AFF3: variants seen among roughly 807,000 people sequenced by gnomAD.
AFF3 encodes AF4/FMR2 family member 3.
Under a neutral mutation model 129.7 loss-of-function variants are expected in AFF3, and 32 were observed. The ratio of observed to expected loss-of-function variants is 0.25; its 90% CI spans 0.19 to 0.33. The LOEUF is 0.33. Among genes scored for constraint, AFF3 ranks in the 10% least tolerant of loss-of-function variants. AFF3 has a pLI of 1.00. For synonymous variants in AFF3, 644 were observed against 635.4 expected (o/e 1.01, Z -0.20); for missense variants, 1,373 against 1,592.0 (o/e 0.86, Z 2.34).
chr2:99,673,388 G>T (rs937347442), intron 11 of AFF3, among the ~76,000 whole-genome samples: 3 of 152,124 alleles, frequency 2.0e-5, no homozygotes, highest in African/African-American at 7.2e-5. Context: ...ATCCTGAGGA[G>T]ACAGCGGGGA....
At chr2:99,669,225 G>GAAAAGACCTGTACAAGGATA (rs1214140641) in intron 12 of AFF3, among the ~76,000 whole-genome samples, 1 of 152,154 alleles carries the variant, frequency 6.6e-6, no homozygotes. Flanking sequence ...GTACAAGGAT[G>GAAAAGACCTGTACAAGGATA]AAAAGACCTG....
chr2:99,586,008 C>T (rs1288242132), intron 16 of AFF3, among the ~76,000 whole-genome samples: 1 of 152,138 alleles, frequency 6.6e-6, no homozygotes, highest in Non-Finnish European at 1.5e-5. Context: ...GGATTACAGG[C>T]GTGAGCCACC....
intron 14 of AFF3, among the ~76,000 whole-genome samples, chr2:99,595,057 AG>A (rs933807981): frequency 4.6e-5 from 7 of 152,298 alleles, no homozygotes; most frequent in African/African-American, 1.7e-4. Context: ...TCTGTGGTTG[AG>A]GGTGGGGGGA....
At chr2:99,603,878 T>C (rs1276474397) in intron 13 of AFF3, among the ~76,000 whole-genome samples, 1 of 152,158 alleles carries the variant, frequency 6.6e-6, no homozygotes, top group Non-Finnish European at 1.5e-5. Context: ...AGAAAAAAGC[T>C]CAATATCACT....
intron 7 of AFF3, among the ~76,000 whole-genome samples, chr2:99,842,124 A>G (rs755670982): frequency 3.3e-5 from 5 of 152,096 alleles, no homozygotes; most frequent in Non-Finnish European, 7.4e-5. Context: ...GTGTCCTTAG[A>G]AGTAGGAGGA....
chr2:100,124,360 G>A (rs1692099802), intron 2 of AFF3, among the ~76,000 whole-genome samples: 1 of 152,222 alleles, frequency 6.6e-6, no homozygotes, highest in African/African-American at 2.4e-5. Context: ...CAGCTTTGAT[G>A]TGTCAGAGTA....
chr2:99,608,822 GTTTTAACAATGAAAAGTTTCATTGTA>G (rs1680630493), intron 13 of AFF3, among the ~76,000 whole-genome samples: 1 of 152,056 alleles, frequency 6.6e-6, no homozygotes, highest in Non-Finnish European at 1.5e-5. Context: ...AATTTGAAAA[GTTTTAACAATGAAAAGTTTCATTGTA>G]TTTTAGCAAT....
chr2:99,871,646 T>G (rs1204446314), intron 7 of AFF3, among the ~76,000 whole-genome samples: 1 of 152,190 alleles, frequency 6.6e-6, no homozygotes, highest in Non-Finnish European at 1.5e-5. Context: ...AAAGTTGTAA[T>G]GTGAACCCTG....
At position 99,826,905 on chromosome 2, in the gene AFF3, G is replaced by A. The variant is rs564996778; in HGVS notation, c.921+10572C>T. On this transcript the variant is annotated intron_variant, in intron 8 of 24. Transcript: ENST00000672756. Reference sequence around the variant, plus strand: ...AGGTCTCTGGAGTCATGTAGGAAAAGGATGGTGGATGAACAAGGAGATAGC... The same window carrying A: ...AGGTCTCTGGAGTCATGTAGGAAAAAGATGGTGGATGAACAAGGAGATAGC... Among the ~76,000 whole-genome samples, 16 of 152,206 alleles carry A rather than the reference G, an allele frequency of 1.1e-4. No homozygotes were observed. The South Asian group carries it at 3.3e-3, about 32-fold the overall frequency.
intron 13 of AFF3, among the ~76,000 whole-genome samples, chr2:99,641,521 T>C (rs1476034538): frequency 2.0e-5 from 3 of 151,962 alleles, no homozygotes; most frequent in Non-Finnish European, 1.5e-5. Context: ...CTACTAAAAA[T>C]AGAAAAATCA....
intron 4 of AFF3, among the ~76,000 whole-genome samples, chr2:100,048,223 G>T (rs17352801): frequency 6.6e-6 from 1 of 152,102 alleles, no homozygotes; most frequent in Admixed American, 6.5e-5. Flanking sequence ...ATTTACCATT[G>T]TACTGCACTT....
At chr2:99,578,829 G>T (rs553665902) in intron 17 of AFF3, among the ~76,000 whole-genome samples, 27 of 152,322 alleles carry the variant, frequency 1.8e-4, no homozygotes, top group Non-Finnish European at 3.1e-4. Flanking sequence ...GGCCAGTTCA[G>T]TCTTCATCAG....
intron 17 of AFF3, 51 bp downstream of exon 17, chr2:99,582,747 G>A (rs375256326): frequency 1.1e-4 from 181 of 1,580,462 alleles, no homozygotes; most frequent in African/African-American, 2.2e-4. Flanking sequence ...GAGCTTGGGG[G>A]TGCTCAATTT....
At chr2:100,124,672 T>TG (rs751129569) in intron 2 of AFF3, among the ~76,000 whole-genome samples, 17 of 102,548 alleles carry the variant, frequency 1.7e-4, no homozygotes, top group Admixed American at 1.5e-3. Context: ...AGGGGGGAGA[T>TG]GGGGGGGTGT....
chr2:99,681,628 C>T (rs1674532164), intron 11 of AFF3, among the ~76,000 whole-genome samples: 1 of 152,200 alleles, frequency 6.6e-6, no homozygotes, highest in South Asian at 2.1e-4. Context: ...GCTCTTTCGA[C>T]TTTGTGTCCT....
chr2:100,109,157 C>T (rs540583980), intron 2 of AFF3, among the ~76,000 whole-genome samples: 34 of 150,340 alleles, frequency 2.3e-4, no homozygotes, highest in Non-Finnish European at 4.7e-4. Context: ...TTTTTCATGC[C>T]CTTCAAGTAC....
rs1331878755 is a variant in AFF3, at chr2:99,944,520, C to CA, written c.873+62111_873+62112insT. 9.2e-5 allele frequency among the ~76,000 whole-genome samples: 14 copies of CA among 152,312 alleles called. No individual in the cohort carries two copies. The East Asian group carries it at 2.5e-3, about 27-fold the overall frequency. The stretch of plus-strand genomic sequence containing the variant: ...CTTCCCATTCCACTGAATTCACACA[C>CA]CCTGCTGGGAATCCAGTGATGAATG... On this transcript the variant is annotated intron_variant, in intron 7 of 24. Coordinates refer to ENST00000672756, the MANE Select transcript of AFF3 (RefSeq NM_001386135.1).
intron 7 of AFF3, among the ~76,000 whole-genome samples, chr2:99,892,023 CG>C (rs1693598952): frequency 6.6e-6 from 1 of 152,108 alleles, no homozygotes; most frequent in Non-Finnish European, 1.5e-5. Flanking sequence ...AGGGTTTCAC[CG>C]TATTAGCCAG....
intron 11 of AFF3, among the ~76,000 whole-genome samples, chr2:99,676,967 G>C (rs1338684849): frequency 2.0e-5 from 3 of 152,146 alleles, no homozygotes; most frequent in Non-Finnish European, 4.4e-5. Context: ...AATAAAATAG[G>C]TACTAAAATT....
Sources: allele counts gnomAD v4.1 joint callset (sites outside exome capture counted in the v4.1 genomes callset), GRCh38; gene constraint gnomAD v4.1.1; transcripts MANE v1.5; gene names NCBI Gene and HGNC (gene_info 2026-07-23, HGNC 2026-07-21).